RASSF4: variants seen among roughly 807,000 people sequenced by gnomAD.
RASSF4 encodes the protein ras association domain-containing protein 4.
RASSF4 carries 38 observed loss-of-function variants against 41.1 expected under a neutral mutation model. The ratio of observed to expected loss-of-function variants is 0.92; its 90% CI spans 0.71 to 1.21. The LOEUF (loss-of-function observed/expected upper bound fraction) is 1.21, where lower values mean the gene tolerates loss of function less well. RASSF4 is among the 50% of genes most tolerant of loss of function. RASSF4 has a pLI of 0.00. For missense variants in RASSF4, 414 were observed against 419.4 expected, an observed-to-expected ratio of 0.99 and a Z score of 0.11; for synonymous variants, 179 against 163.4, an observed-to-expected ratio of 1.10 and a Z score of -0.73.
chr10:44,982,743 C>A, intron 4 of RASSF4, 80 bp downstream of exon 4: 1 of 1,477,542 alleles, frequency 6.8e-7, no homozygotes, highest in South Asian at 1.2e-5. Flanking sequence ...AGGGTGGGAG[C>A]CCTGTTCCCT....
At chr10:44,961,809 C>A (rs1433941904) in intron 1 of RASSF4, among the ~76,000 whole-genome samples, 1 of 152,166 alleles carries the variant, frequency 6.6e-6, no homozygotes, top group Admixed American at 6.5e-5. Flanking sequence ...AGCTTTAAAC[C>A]CAGAGCCTTG....
chr10:44,991,941 G>A lies in RASSF4; in HGVS notation c.844G>A (p.Asp282Asn). Residue 282 changes from aspartate to asparagine, a missense_variant, in exon 10 of 11, where the codon GAC becomes AAC. Physicochemically the swap from Asp to Asn is conservative, Grantham distance 23 (BLOSUM62 1). Transcript: ENST00000340258. ...QYIKFEMPVL[D>N]SFVEKLKEEE... ...CATTAAGTTTGAAATGCCGGTGCTG[G>A]ACAGTTTTGTTGAAAAATTAAAAGA... is the stretch of plus-strand genomic sequence containing the variant. 1.9e-6 allele frequency: 3 copies of A among 1,613,694 alleles called. No individual in the cohort carries two copies. Among genetic ancestry groups the A allele is most frequent in the Non-Finnish European group, 2.5e-6 (3 of 1,179,644 alleles).
chr10:44,971,910 T>A, intron 3 of RASSF4, 62 bp downstream of exon 3: 6 of 1,191,064 alleles, frequency 5.0e-6, no homozygotes, highest in Non-Finnish European at 7.3e-6. Context: ...GCCTGATACC[T>A]GTTGTTTCAG....
intron 3 of RASSF4, among the ~76,000 whole-genome samples, chr10:44,972,913 G>A (rs1468090924): frequency 6.6e-6 from 1 of 152,168 alleles, no homozygotes; most frequent in African/African-American, 2.4e-5. Context: ...GCAACTCTGG[G>A]CAGCTGGGGA....
chr10:44,969,384 G>A, intron 1 of RASSF4, among the ~76,000 whole-genome samples: 1 of 152,146 alleles, frequency 6.6e-6, no homozygotes, highest in African/African-American at 2.4e-5. Flanking sequence ...TGAACCGCGT[G>A]TGTGTGGATC....
At chr10:44,962,131 A>C (rs1488832896) in intron 1 of RASSF4, among the ~76,000 whole-genome samples, 1 of 152,202 alleles carries the variant, frequency 6.6e-6, no homozygotes, top group Non-Finnish European at 1.5e-5. Context: ...ATCAGCTGCC[A>C]CAACAGCTCT....
At chr10:44,984,196 G>C (rs542399854) in intron 5 of RASSF4, 83 bp downstream of exon 5, 1 of 1,344,688 alleles carries the variant, frequency 7.4e-7, no homozygotes. Flanking sequence ...CACAATCTCC[G>C]AAGGACAGCT....
At chr10:44,991,201 TC>T in intron 9 of RASSF4, 132 bp downstream of exon 9, 1 of 821,578 alleles carries the variant, frequency 1.2e-6, no homozygotes, top group Non-Finnish European at 1.7e-6. Context: ...CCCAAAGGGC[TC>T]CCAGCCTAGC....
At chr10:44,968,085 G>A (rs1480120633) in intron 1 of RASSF4, among the ~76,000 whole-genome samples, 1 of 152,208 alleles carries the variant, frequency 6.6e-6, no homozygotes, top group Non-Finnish European at 1.5e-5. Context: ...GGATACAGAG[G>A]AAGGCAAGAG....
At chr10:44,969,051 G>A (rs1414436514) in intron 1 of RASSF4, among the ~76,000 whole-genome samples, 6 of 151,192 alleles carry the variant, frequency 4.0e-5, no homozygotes, top group African/African-American at 1.5e-4. Context: ...AAGTGTGAGT[G>A]TGTGTGTTGA....
In RASSF4 at chr10:44,977,480, G is replaced by A. The variant is rs150799803; in HGVS notation, c.139-5041G>A. On this transcript the variant is annotated intron_variant, in intron 3 of 10. Transcript: ENST00000340258. ...GCGGTGGCGGGAGGCCATGGCTTGG[G>A]CAGACTGCCCAAAAGTCCAGCTTCT... is the stretch of plus-strand genomic sequence containing the variant. 1,686 of 1,612,866 alleles carry A rather than the reference G, an allele frequency of 1.0e-3. 2 individuals are homozygous for A. Among genetic ancestry groups the A allele is most frequent in the Non-Finnish European group, 1.3e-3 (1,505 of 1,179,798 alleles).
At position 44,967,114 on chromosome 10, in the gene RASSF4, G is replaced by A. The variant is rs1402132634; in HGVS notation, c.-38-3051G>A. Among the ~76,000 whole-genome samples, 6 of 152,240 alleles carry A rather than the reference G, an allele frequency of 3.9e-5. No homozygotes were observed. The East Asian group carries it at 1.2e-3, about 29-fold the overall frequency. The stretch of plus-strand genomic sequence containing the variant: ...GATACACCAGTGGCTTGTCACGGCA[G>A]AGGTTTATTTCTCCCTCTCAGTCCA... On this transcript the variant is annotated intron_variant, in intron 1 of 10. Transcript: ENST00000340258.
chr10:44,977,830 G>C, intron 3 of RASSF4: 1 of 1,606,160 alleles, frequency 6.2e-7, no homozygotes, highest in Non-Finnish European at 8.5e-7. Context: ...GGGCTGGCCT[G>C]TGGGGTGGCC....
intron 10 of RASSF4, 116 bp downstream of exon 10, chr10:44,992,118 A>G: frequency 3.0e-6 from 2 of 663,984 alleles, no homozygotes; most frequent in South Asian, 3.8e-5. Flanking sequence ...GTACCCTGGT[A>G]CGGGAAGGCC....
intron 4 of RASSF4, chr10:44,983,493 G>C (rs1841799234): frequency 5.8e-6 from 1 of 171,104 alleles, no homozygotes; most frequent in Admixed American, 5.8e-5. Flanking sequence ...TATTCTCCAG[G>C]ATCCCATCTG....
At chr10:44,973,749 G>C (rs1017145294) in intron 3 of RASSF4, among the ~76,000 whole-genome samples, 1 of 152,186 alleles carries the variant, frequency 6.6e-6, no homozygotes, top group Non-Finnish European at 1.5e-5. Context: ...CAGGGGCGCG[G>C]GAGCGGGAAG....
chr10:44,968,875 C>T (rs1318195441), intron 1 of RASSF4, among the ~76,000 whole-genome samples: 1 of 152,180 alleles, frequency 6.6e-6, no homozygotes, highest in Admixed American at 6.5e-5. Context: ...GCTGTGCCCC[C>T]TCCCAATGTG....
rs142638615 is a variant in RASSF4 at position 44,991,432 on chromosome 10, A to C, written c.807+363A>C. 4.2e-3 allele frequency: 888 copies of C among 210,478 alleles called. 12 individuals are homozygous for C. Among genetic ancestry groups the C allele is most frequent in the African/African-American group, 0.019 (836 of 43,890 alleles). 13.0% of individuals were successfully genotyped at this position (210,478 alleles called of 1,614,324 possible). On this transcript the variant is annotated intron_variant, in intron 9 of 10. Transcript: ENST00000340258. ...CCTCGCACCTGTGGAAAACAGGGAG[A>C]TATTTAAGTCTTACCAACAGCCTGA...
chr10:44,971,941 C>A, intron 3 of RASSF4, 93 bp downstream of exon 3: 1 of 808,834 alleles, frequency 1.2e-6, no homozygotes, highest in Admixed American at 2.3e-5. Context: ...AAGACCATCC[C>A]CTTCACTCTC....
Sources: gnomAD v4.1 joint callset for allele counts (sites outside exome capture counted in the v4.1 genomes callset) on GRCh38, gnomAD v4.1.1 for gene constraint, MANE v1.5 for transcripts, NCBI Gene and HGNC (gene_info 2026-07-23, HGNC 2026-07-21) for gene names.